The following CHRM3 variants were observed in gnomAD, a reference collection of about 807,000 sequenced individuals.
The protein encoded by CHRM3 is muscarinic acetylcholine receptor M3.
CHRM3 carries 11 observed loss-of-function variants against 41.8 expected under a neutral mutation model. The observed-to-expected ratio is 0.26, with a 90% CI of 0.17 to 0.44. The LOEUF (loss-of-function observed/expected upper bound fraction) is 0.44. Ranked by LOEUF, CHRM3 falls within the 20% of genes least tolerant of loss-of-function variation. The pLI is 1.00. For synonymous variants in CHRM3, 297 were observed against 301.4 expected (o/e 0.99, Z 0.15); for missense variants, 571 against 745.4 (o/e 0.77, Z 2.72).
rs199613762 is a variant in CHRM3, at chr1:239,864,519, T to TACACAC, written c.-20+37162_-20+37167dup. On this transcript the variant is annotated intron_variant, in intron 6 of 6. Transcript: ENST00000676153. Reference sequence around the variant, plus strand: ...CGAAACTCCGTCTCAAAACAGAAAATACACACACACACACACACACACACA... The same window carrying TACACAC: ...CGAAACTCCGTCTCAAAACAGAAAATACACACACACACACACACACACACACACACA... Among the ~76,000 whole-genome samples the TACACAC allele has an allele frequency of 8.4e-3, 1,249 of 148,112 alleles. 12 individuals are homozygous for TACACAC. Among genetic ancestry groups the TACACAC allele is most frequent in the South Asian group, 0.03 (140 of 4,736 alleles).
intron 2 of CHRM3, among the ~76,000 whole-genome samples, chr1:239,523,314 C>A (rs919934656): frequency 6.6e-6 from 1 of 152,072 alleles, no homozygotes; most frequent in African/African-American, 2.4e-5. Context: ...TCTCAAAAAT[C>A]TTGATACCTA....
chr1:239,636,795 C>A (rs1400983722), intron 4 of CHRM3, among the ~76,000 whole-genome samples: 1 of 152,150 alleles, frequency 6.6e-6, no homozygotes, highest in African/African-American at 2.4e-5. Flanking sequence ...TCTTGTGATC[C>A]AAAAACATGC....
chr1:239,634,381 G>A (rs1489220511), intron 4 of CHRM3, among the ~76,000 whole-genome samples: 1 of 138,014 alleles, frequency 7.2e-6, no homozygotes, highest in African/African-American at 2.9e-5. Flanking sequence ...ACAAACGAAA[G>A]AAAGAAAGAA....
chr1:239,840,609 T>G (rs1673716250), intron 6 of CHRM3, among the ~76,000 whole-genome samples: 1 of 152,128 alleles, frequency 6.6e-6, no homozygotes, highest in Non-Finnish European at 1.5e-5. Flanking sequence ...GATGTTCAAT[T>G]TAGAACTGTT....
intron 6 of CHRM3, among the ~76,000 whole-genome samples, chr1:239,870,808 G>T (rs1234348602): frequency 6.6e-6 from 1 of 152,176 alleles, no homozygotes; most frequent in Non-Finnish European, 1.5e-5. Flanking sequence ...TATTAAATAG[G>T]TGAGTGATCA....
intron 2 of CHRM3, among the ~76,000 whole-genome samples, chr1:239,529,064 A>T (rs1670191296): frequency 6.6e-6 from 1 of 152,150 alleles, no homozygotes; most frequent in African/African-American, 2.4e-5. Flanking sequence ...TAATCCACAG[A>T]TGTTTTTATT....
chr1:239,429,187 C>T (rs1330691570), intron 1 of CHRM3, among the ~76,000 whole-genome samples: 1 of 152,172 alleles, frequency 6.6e-6, no homozygotes, highest in African/African-American at 2.4e-5. Context: ...AGTAAATACA[C>T]TTGCATTTTC....
At chr1:239,524,604 C>T (rs1237888545) in intron 2 of CHRM3, among the ~76,000 whole-genome samples, 1 of 151,978 alleles carries the variant, frequency 6.6e-6, no homozygotes, top group Non-Finnish European at 1.5e-5. Flanking sequence ...AATTTATAAC[C>T]TGAGCATGAA....
chr1:239,642,639 G>A (rs1012203063), intron 4 of CHRM3, among the ~76,000 whole-genome samples: 1 of 152,028 alleles, frequency 6.6e-6, no homozygotes, highest in Non-Finnish European at 1.5e-5. Context: ...GCACTTCTCT[G>A]TATTGGTTAT....
chr1:239,490,978 T>C (rs1667513643), intron 1 of CHRM3, among the ~76,000 whole-genome samples: 1 of 152,072 alleles, frequency 6.6e-6, no homozygotes, highest in African/African-American at 2.4e-5. Flanking sequence ...TGGGCTCAAG[T>C]GATTTTTCCC....
chr1:239,891,175 G>A (rs1365693222), intron 6 of CHRM3, among the ~76,000 whole-genome samples: 2 of 152,076 alleles, frequency 1.3e-5, no homozygotes, highest in African/African-American at 4.8e-5. Flanking sequence ...AACTTATCAG[G>A]GCAAGGGACC....
intron 4 of CHRM3, 95 bp downstream of exon 4, chr1:239,632,381 GT>G: frequency 6.6e-6 from 1 of 152,168 alleles, no homozygotes; most frequent in Middle Eastern, 3.2e-3. Flanking sequence ...GAATGTATAA[GT>G]TGGTGTTTTC....
At position 239,713,791 on chromosome 1, in the gene CHRM3, C is replaced by A. The variant is rs148248307; in HGVS notation, c.-147+35503C>A. 5.3e-3 allele frequency among the ~76,000 whole-genome samples: 805 copies of A among 152,306 alleles called. 6 individuals are homozygous for A. Among genetic ancestry groups the A allele is most frequent in the Non-Finnish European group, 9.3e-3 (630 of 68,026 alleles). On this transcript the variant is annotated intron_variant, in intron 5 of 6. Transcript: ENST00000676153. ...AATTATGATTACTCTCTTTCACTAA[C>A]AAACATGCCTTAGTCTGGATGATAA...
intron 5 of CHRM3, among the ~76,000 whole-genome samples, chr1:239,722,989 G>A (rs1663112987): frequency 6.6e-6 from 1 of 151,902 alleles, no homozygotes. Flanking sequence ...AAAATTCCAT[G>A]TTGATGCATA....
chr1:239,519,253 A>G (rs2148251467), intron 2 of CHRM3, among the ~76,000 whole-genome samples: 1 of 152,306 alleles, frequency 6.6e-6, no homozygotes, highest in South Asian at 2.1e-4. Flanking sequence ...CATGTTATGT[A>G]CAATCTTCTA....
chr1:239,904,356 C>T (rs1481501524), intron 6 of CHRM3, among the ~76,000 whole-genome samples: 1 of 152,106 alleles, frequency 6.6e-6, no homozygotes, highest in Non-Finnish European at 1.5e-5. Context: ...TAAGAGGCAC[C>T]CCAGACTCCC....
chr1:239,464,465 A>G (rs975068602), intron 1 of CHRM3, among the ~76,000 whole-genome samples: 2 of 152,010 alleles, frequency 1.3e-5, no homozygotes, highest in African/African-American at 4.8e-5. Flanking sequence ...CTCCATTTCC[A>G]TGGGGACATT....
chr1:239,565,486 A>G (rs1661264234), intron 3 of CHRM3, among the ~76,000 whole-genome samples: 1 of 152,114 alleles, frequency 6.6e-6, no homozygotes. Flanking sequence ...TCTGGTCTCA[A>G]TTATTGAAGT....
intron 1 of CHRM3, among the ~76,000 whole-genome samples, chr1:239,466,448 G>A (rs1407133980): frequency 6.6e-6 from 1 of 151,966 alleles, no homozygotes; most frequent in Non-Finnish European, 1.5e-5. Context: ...ATATCAATAA[G>A]GCTTCTGGTT....
Sources: gnomAD v4.1 joint callset for allele counts (sites outside exome capture counted in the v4.1 genomes callset) on GRCh38, gnomAD v4.1.1 for gene constraint, MANE v1.5 for transcripts, NCBI Gene and HGNC (gene_info 2026-07-23, HGNC 2026-07-21) for gene names.